Variants in ADK observed in about 807,000 individuals in gnomAD.
The protein encoded by ADK is N6,N6-dimethyladenosine kinase.
ADK carries 24 observed loss-of-function variants against 44.7 expected under a neutral mutation model. That is an observed-to-expected ratio of 0.54 (90% confidence interval 0.39 to 0.76). ADK has a LOEUF of 0.76. Among genes scored for constraint, ADK ranks in the 30% least tolerant of loss-of-function variants. The pLI is 0.00. For synonymous variants in ADK, 128 were observed against 142.6 expected (o/e 0.90, Z 0.73); for missense variants, 321 against 425.1 (o/e 0.76, Z 2.15).
At position 74,394,294 on chromosome 10, in the gene ADK, T is replaced by C. The variant is rs1417529866; in HGVS notation, c.427T>C (p.Cys143Arg). The C allele has an allele frequency of 1.2e-6, 2 of 1,613,970 alleles. No individual in the cohort carries two copies. The highest frequency in any genetic ancestry group is 4.5e-5 in the East Asian group (2 of 44,882). The stretch of plus-strand genomic sequence containing the variant: ...GCAGCCAACAGGAACTTGTGCTGCA[T>C]GCATCACTGGTGACAACAGGTCAGT... The part of the protein sequence containing the change: ...NEQPTGTCAA[C>R]ITGDNRSLIA... Residue 143 changes from cysteine (C) to arginine (R), a missense_variant, in exon 5 of 11, where the codon TGC becomes CGC. Cys to Arg is a radical substitution (Grantham distance 180, BLOSUM62 -3). Coordinates refer to ENST00000539909, the MANE Select transcript of ADK (RefSeq NM_006721.4).
intron 2 of ADK, among the ~76,000 whole-genome samples, chr10:74,213,188 T>A (rs1300112171): frequency 6.6e-6 from 1 of 152,110 alleles, no homozygotes; most frequent in Non-Finnish European, 1.5e-5. Flanking sequence ...CATGCCTCCC[T>A]GTAGCCTCCC....
At chr10:74,410,555 T>C (rs1844135611) in intron 6 of ADK, among the ~76,000 whole-genome samples, 1 of 151,880 alleles carries the variant, frequency 6.6e-6, no homozygotes, top group Admixed American at 6.6e-5. Context: ...GGTGGTGCAT[T>C]CCTTAGTCCC....
intron 3 of ADK, among the ~76,000 whole-genome samples, chr10:74,247,292 G>C (rs973595666): frequency 6.9e-6 from 1 of 143,920 alleles, no homozygotes; most frequent in African/African-American, 2.6e-5. Context: ...GGGCTGGAGT[G>C]CAGTGGTGCA....
intron 3 of ADK, among the ~76,000 whole-genome samples, chr10:74,288,504 G>A (rs1197908845): frequency 6.6e-6 from 1 of 152,014 alleles, no homozygotes; most frequent in Admixed American, 6.6e-5. Context: ...ACAAAAATTA[G>A]CCAGGCGTGG....
rs113083616 is a variant in ADK at position 74,554,053 on chromosome 10, T to C, written c.726+28627T>C. ...CATGAAGAAGGTGAATCTTTTGCCT[T>C]ATTGCATATGCTTTTATATTGAGTA... On this transcript the variant is annotated intron_variant, in intron 7 of 10. Transcript: ENST00000539909. 2.6e-3 allele frequency among the ~76,000 whole-genome samples: 403 copies of C among 152,350 alleles called. 3 individuals carry two copies. Among genetic ancestry groups the C allele is most frequent in the African/African-American group, 9.2e-3 (384 of 41,598 alleles).
intron 10 of ADK, among the ~76,000 whole-genome samples, chr10:74,703,265 T>C (rs923198594): frequency 6.6e-6 from 1 of 152,092 alleles, no homozygotes; most frequent in Non-Finnish European, 1.5e-5. Flanking sequence ...GTGGATTGCT[T>C]GAGTCCAGGA....
chr10:74,596,955 T>C (rs1851947588), intron 8 of ADK, among the ~76,000 whole-genome samples: 1 of 152,246 alleles, frequency 6.6e-6, no homozygotes, highest in Non-Finnish European at 1.5e-5. Flanking sequence ...ATGAGCACTT[T>C]AGAGCTATGT....
intron 2 of ADK, among the ~76,000 whole-genome samples, chr10:74,201,403 T>A (rs1249155259): frequency 6.6e-6 from 1 of 152,208 alleles, no homozygotes; most frequent in East Asian, 1.9e-4. Flanking sequence ...ACTTGTGTCC[T>A]TGTTTTCAGT....
At chr10:74,355,483 A>T (rs1177579996) in intron 4 of ADK, among the ~76,000 whole-genome samples, 1 of 152,222 alleles carries the variant, frequency 6.6e-6, no homozygotes, top group Non-Finnish European at 1.5e-5. Context: ...TTATTTCGTT[A>T]TAAGCCCTTT....
chr10:74,396,457 C>G (rs568202616), intron 5 of ADK, among the ~76,000 whole-genome samples: 1 of 152,112 alleles, frequency 6.6e-6, no homozygotes, highest in East Asian at 1.9e-4. Context: ...TTGCTTGAGC[C>G]CAGGAGGTTG....
At chr10:74,284,601 T>C (rs1190570990) in intron 3 of ADK, among the ~76,000 whole-genome samples, 3 of 152,346 alleles carry the variant, frequency 2.0e-5, no homozygotes, top group African/African-American at 7.2e-5. Context: ...CACTCACCTC[T>C]GTGGCTCTGT....
intron 9 of ADK, among the ~76,000 whole-genome samples, chr10:74,616,438 C>A (rs1048290773): frequency 2.6e-5 from 4 of 151,550 alleles, no homozygotes; most frequent in Admixed American, 6.6e-5. Context: ...TTTATTTTGC[C>A]CATATGAATA....
chr10:74,441,646 G>T (rs1845409214), intron 6 of ADK, among the ~76,000 whole-genome samples: 1 of 152,056 alleles, frequency 6.6e-6, no homozygotes, highest in South Asian at 2.1e-4. Context: ...CGTGACACTG[G>T]TCTTGCAATG....
chr10:74,671,497 A>G (rs1169525853), intron 10 of ADK, among the ~76,000 whole-genome samples: 1 of 152,204 alleles, frequency 6.6e-6, no homozygotes, highest in African/African-American at 2.4e-5. Flanking sequence ...CACAGACAAC[A>G]TTCTACTTCA....
chr10:74,340,489 G>T (rs546826556), intron 4 of ADK, among the ~76,000 whole-genome samples: 50 of 152,182 alleles, frequency 3.3e-4, no homozygotes, highest in Non-Finnish European at 4.7e-4. Context: ...ATTGAAACTT[G>T]TAAGCAAGTA....
chr10:74,692,639 T>C (rs953398192), intron 10 of ADK, among the ~76,000 whole-genome samples: 11 of 152,198 alleles, frequency 7.2e-5, no homozygotes, highest in African/African-American at 2.7e-4. Flanking sequence ...ATTTTGGTCA[T>C]TGACAGACCA....
intron 6 of ADK, among the ~76,000 whole-genome samples, chr10:74,520,791 C>A (rs1238546703): frequency 1.3e-5 from 2 of 152,068 alleles, no homozygotes; most frequent in Non-Finnish European, 2.9e-5. Flanking sequence ...CTGTCCCTAT[C>A]TGTCCTACTG....
At chr10:74,627,934 G>A (rs904873830) in intron 9 of ADK, among the ~76,000 whole-genome samples, 6 of 152,138 alleles carry the variant, frequency 3.9e-5, no homozygotes, top group African/African-American at 1.2e-4. Context: ...ACCACACCTG[G>A]CCTACCACAA....
chr10:74,224,552 C>G lies in ADK; in HGVS notation c.155C>G (p.Pro52Arg). ...KDFLDKYSLK[P>R]NDQILAEDKH... is the part of the protein sequence containing the mutation. ...CTGTTATACAGGTATTCTCTGAAAC[C>G]AAATGACCAAATCTTGGCTGAAGAC... is the stretch of plus-strand genomic sequence containing the variant. Residue 52 changes from proline to arginine, a missense_variant, in exon 3 of 11, where the codon CCA becomes CGA. Pro to Arg is a moderately radical substitution (Grantham distance 103, BLOSUM62 -2). Coordinates refer to ENST00000539909, the MANE Select transcript of ADK (RefSeq NM_006721.4). The G allele has an allele frequency of 6.2e-7, 1 of 1,613,484 alleles. No homozygotes were observed. The highest frequency in any genetic ancestry group is 8.5e-7 in the Non-Finnish European group (1 of 1,179,660).
Sources: allele counts gnomAD v4.1 joint callset (sites outside exome capture counted in the v4.1 genomes callset), GRCh38; gene constraint gnomAD v4.1.1; transcripts MANE v1.5; gene names NCBI Gene and HGNC (gene_info 2026-07-23, HGNC 2026-07-21).